MACROD2: variants seen among roughly 807,000 people sequenced by gnomAD.
MACROD2 encodes ADP-ribose glycohydrolase MACROD2.
A neutral mutation model predicts 70.4 loss-of-function variants in MACROD2; 36 were observed. The observed-to-expected ratio is 0.51, with a 90% CI of 0.39 to 0.68. The LOEUF (loss-of-function observed/expected upper bound fraction) is 0.68, where lower values mean the gene tolerates loss of function less well. MACROD2 is among the 30% of genes least tolerant of loss of function. The probability of loss-of-function intolerance (pLI) is 0.00; values close to 1 mark genes in which losing one functional copy is unlikely to be tolerated. For synonymous variants in MACROD2, 172 were observed against 178.8 expected, an observed-to-expected ratio of 0.96 and a Z score of 0.30; for missense variants, 496 against 538.4, an observed-to-expected ratio of 0.92 and a Z score of 0.78.
At chr20:14,015,518 G>A (rs1166512379) in intron 2 of MACROD2, among the ~76,000 whole-genome samples, 3 of 152,148 alleles carry the variant, frequency 2.0e-5, no homozygotes, top group East Asian at 1.9e-4. Context: ...TTGAGGCTGC[G>A]ATGAGCTGTG....
intron 2 of MACROD2, among the ~76,000 whole-genome samples, chr20:14,012,717 A>T (rs866788724): frequency 3.3e-5 from 5 of 152,360 alleles, no homozygotes; most frequent in Middle Eastern, 6.8e-3. Flanking sequence ...ATGATAAAAA[A>T]TATGTGACAA....
At chr20:15,579,067 C>A (rs2146642526) in intron 8 of MACROD2, among the ~76,000 whole-genome samples, 1 of 152,222 alleles carries the variant, frequency 6.6e-6, no homozygotes, top group South Asian at 2.1e-4. Flanking sequence ...ACTCTTCTCC[C>A]TCATATTTTC....
intron 15 of MACROD2, among the ~76,000 whole-genome samples, chr20:16,027,326 A>G (rs1199263163): frequency 1.3e-5 from 2 of 152,214 alleles, no homozygotes; most frequent in Non-Finnish European, 2.9e-5. Flanking sequence ...TCATGGACAA[A>G]GGTGATGCAC....
intron 10 of MACROD2, among the ~76,000 whole-genome samples, chr20:15,905,657 G>A (rs555469977): frequency 6.6e-6 from 1 of 152,336 alleles, no homozygotes; most frequent in South Asian, 2.1e-4. Context: ...TCGTTAAGGA[G>A]AGGTATTGCT....
chr20:14,068,745 T>G (rs760541795), intron 2 of MACROD2, among the ~76,000 whole-genome samples: 6 of 152,026 alleles, frequency 3.9e-5, no homozygotes, highest in Admixed American at 1.3e-4. Flanking sequence ...ATGAGAAATA[T>G]AGAGAGTACC....
At chr20:14,075,496 C>G (rs557007196) in intron 2 of MACROD2, among the ~76,000 whole-genome samples, 3 of 152,138 alleles carry the variant, frequency 2.0e-5, no homozygotes, top group Non-Finnish European at 4.4e-5. Flanking sequence ...TATTATTTGA[C>G]AAGGATAATT....
chr20:14,143,574 T>A (rs2054905012), intron 3 of MACROD2, among the ~76,000 whole-genome samples: 1 of 152,026 alleles, frequency 6.6e-6, no homozygotes, highest in Non-Finnish European at 1.5e-5. Context: ...AAAAAACCTG[T>A]GCAAGAAGGT....
At chr20:15,481,709 A>G (rs1465186414) in intron 7 of MACROD2, among the ~76,000 whole-genome samples, 3 of 152,200 alleles carry the variant, frequency 2.0e-5, no homozygotes, top group Admixed American at 6.5e-5. Context: ...TAATATTTAC[A>G]AGACAGCATA....
intron 12 of MACROD2, among the ~76,000 whole-genome samples, chr20:15,940,130 G>A (rs1341495913): frequency 6.6e-6 from 1 of 152,152 alleles, no homozygotes. Flanking sequence ...TTTCACTCTT[G>A]TTGCCCAGGC....
intron 8 of MACROD2, among the ~76,000 whole-genome samples, chr20:15,668,105 C>G (rs2049926412): frequency 6.6e-6 from 1 of 151,736 alleles, no homozygotes; most frequent in South Asian, 2.1e-4. Context: ...ACTGAAAGTA[C>G]AAAAATTAGC....
In MACROD2 at chr20:14,759,376, A is replaced by G. The variant is rs372071932; in HGVS notation, c.418+74417A>G. 4.6e-5 allele frequency among the ~76,000 whole-genome samples: 7 copies of G among 152,292 alleles called. No homozygotes were observed. The East Asian group carries it at 1.3e-3, about 29-fold the overall frequency. On this transcript the variant is annotated intron_variant, in intron 5 of 17. Transcript: ENST00000684519. ...ATTAATTAATAATCTTGGAAAAGACATCATTAATGTTTAGGTAGATATTCC... is the reference window on the plus strand; with the variant it reads ...ATTAATTAATAATCTTGGAAAAGACGTCATTAATGTTTAGGTAGATATTCC...
At chr20:14,479,784 T>A (rs406348) in intron 3 of MACROD2, among the ~76,000 whole-genome samples, 72,907 of 151,780 alleles carry the variant, frequency 0.48, 17,702 homozygotes, top group Admixed American at 0.59. Context: ...TAAAAAATTT[T>A]AAAAAAAATC....
At chr20:15,465,384 G>C (rs2046871419) in intron 7 of MACROD2, among the ~76,000 whole-genome samples, 1 of 152,258 alleles carries the variant, frequency 6.6e-6, no homozygotes. Context: ...AGCCAGGCAA[G>C]GTGGAGAGTG....
At chr20:14,981,914 G>A (rs1253584212) in intron 5 of MACROD2, among the ~76,000 whole-genome samples, 2 of 152,276 alleles carry the variant, frequency 1.3e-5, no homozygotes, top group East Asian at 3.9e-4. Flanking sequence ...TGGGTTACAG[G>A]CAGAGGTTGG....
At chr20:15,940,756 C>T (rs749026719) in intron 12 of MACROD2, among the ~76,000 whole-genome samples, 1 of 152,094 alleles carries the variant, frequency 6.6e-6, no homozygotes, top group Non-Finnish European at 1.5e-5. Context: ...ATGTCAAATA[C>T]CCACATAGGC....
intron 4 of MACROD2, among the ~76,000 whole-genome samples, chr20:14,673,209 A>G (rs2070816202): frequency 6.6e-6 from 1 of 152,186 alleles, no homozygotes; most frequent in Non-Finnish European, 1.5e-5. Context: ...CGTGAGAGCA[A>G]GGCTTTAATT....
chr20:14,838,271 A>G (rs1452185321), intron 5 of MACROD2, among the ~76,000 whole-genome samples: 1 of 152,160 alleles, frequency 6.6e-6, no homozygotes, highest in Non-Finnish European at 1.5e-5. Flanking sequence ...ACTTGTAATT[A>G]ATAGTATAAA....
chr20:14,623,218 A>G (rs1233337381), intron 4 of MACROD2, among the ~76,000 whole-genome samples: 1 of 152,002 alleles, frequency 6.6e-6, no homozygotes, highest in African/African-American at 2.4e-5. Flanking sequence ...TGAAGCCATC[A>G]GGCTGATATC....
At chr20:14,351,350 T>C (rs547034697) in intron 3 of MACROD2, among the ~76,000 whole-genome samples, 2 of 152,310 alleles carry the variant, frequency 1.3e-5, no homozygotes, top group East Asian at 3.9e-4. Context: ...ATGGATATTT[T>C]AATAATATTG....
Sources: allele counts gnomAD v4.1 joint callset (sites outside exome capture counted in the v4.1 genomes callset), GRCh38; gene constraint gnomAD v4.1.1; transcripts MANE v1.5; gene names NCBI Gene and HGNC (gene_info 2026-07-23, HGNC 2026-07-21).